The following KCNIP3 variants were observed in gnomAD, a reference collection of about 807,000 sequenced individuals.
The protein encoded by KCNIP3 is calsenilin.
In KCNIP3, 28 loss-of-function variants were observed where a neutral mutation model predicts 35.0. The ratio of observed to expected loss-of-function variants is 0.80; its 90% CI spans 0.59 to 1.10. The LOEUF (loss-of-function observed/expected upper bound fraction) is 1.10, where lower values mean the gene tolerates loss of function less well. Ranked by LOEUF, KCNIP3 falls within the 50% of genes least tolerant of loss-of-function variation. The probability of loss-of-function intolerance (pLI) is 0.00; values close to 1 mark genes in which losing one functional copy is unlikely to be tolerated. For synonymous variants in KCNIP3, 134 were observed against 133.8 expected (o/e 1.00, Z -0.01); for missense variants, 295 against 338.4 (o/e 0.87, Z 1.01).
chr2:95,324,434 G>A (rs529396342), intron 2 of KCNIP3, among the ~76,000 whole-genome samples: 41 of 151,390 alleles, frequency 2.7e-4, no homozygotes, highest in East Asian at 2.4e-3. Flanking sequence ...GAATGGCGTG[G>A]GCCCAGGAGG....
intron 5 of KCNIP3, among the ~76,000 whole-genome samples, chr2:95,381,174 A>G (rs1232268813): frequency 1.3e-5 from 2 of 152,218 alleles, no homozygotes; most frequent in Non-Finnish European, 2.9e-5. Context: ...CTAGGACACC[A>G]TATATATTTG....
chr2:95,363,042 C>T (rs1262909028), intron 2 of KCNIP3, among the ~76,000 whole-genome samples: 3 of 152,140 alleles, frequency 2.0e-5, no homozygotes, highest in African/African-American at 2.4e-5. Context: ...CTTCTTTCAT[C>T]ATTTGTGAAC....
chr2:95,305,105 T>C (rs1032920498), intron 1 of KCNIP3, among the ~76,000 whole-genome samples: 3 of 152,158 alleles, frequency 2.0e-5, no homozygotes, highest in African/African-American at 7.2e-5. Flanking sequence ...CACTCGTCTC[T>C]GCCACTCAAC....
At position 95,315,335 on chromosome 2, in the gene KCNIP3, G is replaced by A. The variant is rs116656952; in HGVS notation, c.181+4815G>A. 6.7e-3 allele frequency among the ~76,000 whole-genome samples: 1,013 copies of A among 152,264 alleles called. 12 individuals carry two copies. The highest frequency in any genetic ancestry group is 0.023 in the African/African-American group (958 of 41,550). ...TCTTTTATTGAATCTACGGTGTTTCGTTCTCAAGCAAATGCCAGAGGAGCC... is the reference window on the plus strand; with the variant it reads ...TCTTTTATTGAATCTACGGTGTTTCATTCTCAAGCAAATGCCAGAGGAGCC... On this transcript the variant is annotated intron_variant, in intron 2 of 8. Coordinates refer to ENST00000295225, the MANE Select transcript of KCNIP3 (RefSeq NM_013434.5).
At position 95,376,576 on chromosome 2, in the gene KCNIP3, A is replaced by G. The variant is rs571983985; in HGVS notation, c.447+1368A>G. ...TCTCAGAAGATCACTCATCCCTGGC[A>G]TCTTCCTGGGCCTTCTGCAGCTTCT... On this transcript the variant is annotated intron_variant, in intron 5 of 8. Transcript: ENST00000295225. The surrounding 1 kb of genome is among the most constrained non-coding windows in gnomAD (Gnocchi z 4.2). Among the ~76,000 whole-genome samples, 1 of 152,328 alleles carries G rather than the reference A, an allele frequency of 6.6e-6. No individual in the cohort carries two copies. Among genetic ancestry groups the G allele is most frequent in the Non-Finnish European group, 1.5e-5 (1 of 68,022 alleles).
intron 1 of KCNIP3, among the ~76,000 whole-genome samples, chr2:95,306,605 G>A (rs1678174564): frequency 1.3e-5 from 2 of 152,208 alleles, no homozygotes; most frequent in African/African-American, 4.8e-5. Context: ...AACGCCTGGG[G>A]CAGAAGTGTC....
At chr2:95,324,274 G>T (rs1678669034) in intron 2 of KCNIP3, among the ~76,000 whole-genome samples, 1 of 152,218 alleles carries the variant, frequency 6.6e-6, no homozygotes, top group Non-Finnish European at 1.5e-5. Context: ...CACTTTGGGA[G>T]GCCGAGGCAG....
rs151271621 is a variant in KCNIP3, at chr2:95,319,997, C to T, written c.181+9477C>T. ...GGGCCCCAGGTGCCTCTCCTGGCAC[C>T]GAGGGCTGGGGCTTGCTGGTCCACC... On this transcript the variant is annotated intron_variant, in intron 2 of 8. Coordinates refer to ENST00000295225, the MANE Select transcript of KCNIP3 (RefSeq NM_013434.5). Among the ~76,000 whole-genome samples the T allele has an allele frequency of 1.8e-4, 27 of 152,294 alleles. No individual in the cohort carries two copies. The East Asian group carries it at 4.1e-3, about 23-fold the overall frequency.
chr2:95,315,074 T>A (rs1319065026), intron 2 of KCNIP3, among the ~76,000 whole-genome samples: 1 of 152,084 alleles, frequency 6.6e-6, no homozygotes, highest in Admixed American at 6.5e-5. Flanking sequence ...ACCGCTCTAT[T>A]CCGTGGTGAA....
intron 2 of KCNIP3, among the ~76,000 whole-genome samples, chr2:95,367,143 C>T (rs1166825654): frequency 6.6e-6 from 1 of 152,092 alleles, no homozygotes; most frequent in African/African-American, 2.4e-5. Flanking sequence ...TGTGGTGGTG[C>T]GTGCCTGTAG....
chr2:95,372,031 C>G (rs1021131557), intron 2 of KCNIP3, among the ~76,000 whole-genome samples: 19 of 152,114 alleles, frequency 1.2e-4, no homozygotes, highest in African/African-American at 4.3e-4. Flanking sequence ...TCTTGAGCGC[C>G]TGACCTCAGG....
At position 95,382,458 on chromosome 2, in the gene KCNIP3, G is replaced by A; in HGVS notation, c.637G>A (p.Glu213Lys). ...CATCCTGCGGGAGGACGCGCCGGCG[G>A]AGCACGTGGAGAGGTTCTTCGAGGT... ...YPILREDAPA[E>K]HVERFFEKMD... Residue 213 changes from glutamate (E) to lysine (K), a missense_variant, in exon 7 of 9, where the codon GAG becomes AAG. Physicochemically the swap from Glu to Lys is moderately conservative, Grantham distance 56. Transcript: ENST00000295225. The surrounding 1 kb of genome is among the most constrained non-coding windows in gnomAD (Gnocchi z 4.5). 6.2e-7 allele frequency: 1 copy of A among 1,608,526 alleles called. No individual in the cohort carries two copies. Among genetic ancestry groups the A allele is most frequent in the Non-Finnish European group, 8.5e-7 (1 of 1,177,758 alleles).
At chr2:95,315,297 C>T (rs184958454) in intron 2 of KCNIP3, among the ~76,000 whole-genome samples, 1 of 152,284 alleles carries the variant, frequency 6.6e-6, no homozygotes, top group East Asian at 1.9e-4. Flanking sequence ...GCCTGATCGG[C>T]CCAGGGAGAA....
chr2:95,324,523 G>GATAGATAAATAAATAA (rs1553443488), intron 2 of KCNIP3, among the ~76,000 whole-genome samples: 13 of 145,716 alleles, frequency 8.9e-5, no homozygotes, highest in Non-Finnish European at 1.4e-4. Context: ...AAAATAAATA[G>GATAGATAAATAAATAA]ATAAATAAAT....
At chr2:95,358,301 T>C (rs1679707500) in intron 2 of KCNIP3, among the ~76,000 whole-genome samples, 1 of 152,190 alleles carries the variant, frequency 6.6e-6, no homozygotes, top group Non-Finnish European at 1.5e-5. Context: ...TTCAGCTTAG[T>C]GAATTAAAGA....
chr2:95,334,797 T>C (rs771616614), intron 2 of KCNIP3, among the ~76,000 whole-genome samples: 1 of 152,288 alleles, frequency 6.6e-6, no homozygotes, highest in South Asian at 2.1e-4. Flanking sequence ...CCTCAAACGT[T>C]CCCCTTCCAT....
rs1015526277 is a variant in KCNIP3, at chr2:95,339,814, TA to T, written c.181+29301del. Among the ~76,000 whole-genome samples the T allele has an allele frequency of 3.3e-5, 5 of 152,228 alleles. No homozygotes were observed. In the South Asian group the frequency reaches 6.2e-4, roughly 19 times the overall value. On this transcript the variant is annotated intron_variant, in intron 2 of 8. Transcript: ENST00000295225. The stretch of plus-strand genomic sequence containing the variant: ...TGATCTCATCTCTTTCCTTAAGGCA[TA>T]AAAAAAGTATATTTCTTTCTCCCTT...
At chr2:95,308,504 C>A (rs890998478) in intron 1 of KCNIP3, among the ~76,000 whole-genome samples, 2 of 152,192 alleles carry the variant, frequency 1.3e-5, no homozygotes, top group African/African-American at 4.8e-5. Flanking sequence ...TGTGGATAGG[C>A]CTCAGGGGAC....
intron 6 of KCNIP3, among the ~76,000 whole-genome samples, chr2:95,381,917 C>T (rs1204569770): frequency 6.6e-6 from 1 of 152,166 alleles, no homozygotes; most frequent in Non-Finnish European, 1.5e-5. Context: ...TACCCTGTAC[C>T]ACACATCTCG....
Sources: gnomAD v4.1 joint callset for allele counts (sites outside exome capture counted in the v4.1 genomes callset) on GRCh38, gnomAD v4.1.1 for gene constraint, Gnocchi (gnomAD v3.1) non-coding constraint, MANE v1.5 for transcripts, NCBI Gene and HGNC (gene_info 2026-07-23, HGNC 2026-07-21) for gene names.